Variants in C2orf92 observed in about 807,000 individuals in gnomAD.
C2orf92 encodes the protein uncharacterized protein C2orf92.
chr2:97,669,951 T>A (rs2104529239), intron 1 of C2orf92, 117 bp downstream of exon 1: 3 of 397,310 alleles, frequency 7.6e-6, no homozygotes, highest in Middle Eastern at 1.3e-3. Flanking sequence ...TACTCTACCT[T>A]CTATACCTCC....
intron 3 of C2orf92, among the ~76,000 whole-genome samples, chr2:97,683,076 C>CCACACACACACACACACACACA (rs760650490): frequency 1.4e-5 from 2 of 143,166 alleles, no homozygotes; most frequent in Non-Finnish European, 3.0e-5. Context: ...CATATAGACT[C>CCACACACACACACACACACACA]CACACACACA....
intron 3 of C2orf92, among the ~76,000 whole-genome samples, chr2:97,676,433 CAAAAAAAAAAAAAAAGAAAA>C (rs1161441485): frequency 3.2e-5 from 1 of 31,114 alleles, no homozygotes. Flanking sequence ...GACTCCATCT[CAAAAAAAAAAAAAAAGAAAA>C]AAAAAAAAAA....
chr2:97,701,298 A>T lies in C2orf92; in HGVS notation c.659A>T (p.Gln220Leu), dbSNP rs550198155. The change falls in exon 7 of 8, where the codon CAG becomes CTG. Residue 220 changes from glutamine to leucine, a missense_variant. Coordinates refer to ENST00000627399, the MANE Select transcript of C2orf92 (RefSeq NM_001351368.2). ...TTGGCCTCATACATCAGGAAGAAAC[A>T]GCCATCGTGCGTGGTGCTGGCATAA... is the stretch of plus-strand genomic sequence containing the variant. ...LGLASYIRKK[Q>L]PSSPLANTTY... 10 of 399,054 alleles carry T rather than the reference A, an allele frequency of 2.5e-5. No individual in the cohort carries two copies. The highest frequency in any genetic ancestry group is 2.1e-4 in the African/African-American group (10 of 48,756). The allele number at this position is 399,054 out of a possible 1,614,324, so 24.7% of individuals were successfully genotyped here. A position where few individuals can be genotyped will look rare whatever the true frequency, so the allele number is the denominator to read the frequency against.
intron 3 of C2orf92, among the ~76,000 whole-genome samples, chr2:97,685,784 A>G (rs113438228): frequency 0.055 from 8,259 of 151,282 alleles, 610 homozygotes; most frequent in African/African-American, 0.17. Flanking sequence ...GCTGGTCACG[A>G]ACTCCTGACC....
chr2:97,688,888 A>C lies in C2orf92; in HGVS notation c.233-7A>C, dbSNP rs970406916. ...GTATTAACATGCCTTTGTTTGCTCC[A>C]CTGGAGATGAAATTCTACTGCAGGT... On this transcript the variant is annotated splice_polypyrimidine_tract_variant and splice_region_variant and intron_variant, in intron 3 of 7. Coordinates refer to ENST00000627399, the MANE Select transcript of C2orf92 (RefSeq NM_001351368.2). 2.5e-6 allele frequency: 1 copy of C among 398,516 alleles called. No individual in the cohort carries two copies. The highest frequency in any genetic ancestry group is 2.1e-5 in the African/African-American group (1 of 48,638). The allele number at this position is 398,516 out of a possible 1,614,324, so 24.7% of individuals were successfully genotyped here.
At chr2:97,666,529 CAAAA>C (rs34223345), upstream of C2orf92, among the ~76,000 whole-genome samples, 383 of 70,382 alleles carry the variant, frequency 5.4e-3, 2 homozygotes, top group South Asian at 0.034. Context: ...GACTCCGTCT[CAAAA>C]AAAAAAAAAA....
At chr2:97,676,998 G>T (rs1245042146) in intron 3 of C2orf92, among the ~76,000 whole-genome samples, 2 of 152,210 alleles carry the variant, frequency 1.3e-5, no homozygotes, top group Admixed American at 6.5e-5. Context: ...AACAACAACT[G>T]AGCTGGCAAG....
chr2:97,665,731 CTCTCTCTATA>C (rs1277091990), upstream of C2orf92: 92 of 23,180 alleles, frequency 4.0e-3, no homozygotes, highest in East Asian at 0.016. Flanking sequence ...CTCTCTCTCT[CTCTCTCTATA>C]TATATATATA....
chr2:97,682,781 C>G (rs1450236853), intron 3 of C2orf92, among the ~76,000 whole-genome samples: 1 of 150,270 alleles, frequency 6.7e-6, no homozygotes. Context: ...AAAAAAAAAC[C>G]AAAACACTCA....
intron 6 of C2orf92, among the ~76,000 whole-genome samples, 187 bp downstream of exon 6, chr2:97,699,323 C>T (rs1278387378): frequency 6.6e-6 from 1 of 152,100 alleles, no homozygotes; most frequent in Non-Finnish European, 1.5e-5. Context: ...AGGCCGGGCA[C>T]GGTGGCTCAC....
intron 5 of C2orf92, 148 bp downstream of exon 5, chr2:97,690,475 G>A (rs147957928): frequency 6.6e-5 from 25 of 376,116 alleles, no homozygotes; most frequent in African/African-American, 4.4e-4. Context: ...CTGCCTCCCA[G>A]GTTCACGCCA....
intron 3 of C2orf92, among the ~76,000 whole-genome samples, chr2:97,686,215 G>C (rs986430536): frequency 6.6e-6 from 1 of 152,152 alleles, no homozygotes; most frequent in South Asian, 2.1e-4. Context: ...CTTTTACATG[G>C]TATGCACTCT....
chr2:97,679,391 G>T (rs1239389842), intron 3 of C2orf92, among the ~76,000 whole-genome samples: 1 of 152,212 alleles, frequency 6.6e-6, no homozygotes, highest in Non-Finnish European at 1.5e-5. Context: ...TGTGCAGAGT[G>T]TTTGTATACT....
chr2:97,679,152 A>AT (rs1675678110), intron 3 of C2orf92, among the ~76,000 whole-genome samples: 1 of 148,826 alleles, frequency 6.7e-6, no homozygotes, highest in Non-Finnish European at 1.5e-5. Context: ...ATGAAGGGAC[A>AT]TTTAACAGTC....
intron 4 of C2orf92, among the ~76,000 whole-genome samples, 177 bp from the exon 5 acceptor site, chr2:97,690,079 C>A (rs985502690): frequency 6.6e-6 from 1 of 151,610 alleles, no homozygotes; most frequent in African/African-American, 2.4e-5. Context: ...TGCCGTGAGC[C>A]GAGATCTTGC....
upstream of C2orf92, chr2:97,665,717 C>T (rs1341341697): frequency 2.1e-5 from 1 of 48,412 alleles, no homozygotes; most frequent in Non-Finnish European, 4.5e-5. Flanking sequence ...CTCTCTCTCT[C>T]TCTCTCTCTC....
chr2:97,669,703 G>T, upstream of C2orf92: 1 of 398,106 alleles, frequency 2.5e-6, no homozygotes, highest in South Asian at 1.3e-4. Flanking sequence ...GTTAGGTTCC[G>T]TGGTACCCTG....
chr2:97,694,289 GGC>G (rs1676233209), intron 5 of C2orf92, among the ~76,000 whole-genome samples: 1 of 148,834 alleles, frequency 6.7e-6, no homozygotes, highest in Non-Finnish European at 1.5e-5. Context: ...CTATCGCCCA[GGC>G]TGCAGTGGCG....
intron 3 of C2orf92, among the ~76,000 whole-genome samples, chr2:97,684,713 A>C (rs1323988529): frequency 6.6e-6 from 1 of 152,168 alleles, no homozygotes; most frequent in Non-Finnish European, 1.5e-5. Context: ...ATATCTGATG[A>C]GGGATCAATA....
Sources: gnomAD v4.1 joint callset for allele counts (sites outside exome capture counted in the v4.1 genomes callset) on GRCh38, gnomAD v4.1.1 for gene constraint, MANE v1.5 for transcripts, NCBI Gene and HGNC (gene_info 2026-07-23, HGNC 2026-07-21) for gene names.